Variants in TRPM4 observed in about 807,000 individuals in gnomAD.
The protein encoded by TRPM4 is transient receptor potential cation channel subfamily M member 4.
In TRPM4, 124 loss-of-function variants were observed where a neutral mutation model predicts 135.6. The ratio of observed to expected loss-of-function variants is 0.91; its 90% CI spans 0.79 to 1.06. The LOEUF is 1.06. TRPM4 is among the 50% of genes least tolerant of loss of function. TRPM4 has a pLI of 0.00. For synonymous variants in TRPM4, 745 were observed against 705.6 expected, an observed-to-expected ratio of 1.06 and a Z score of -0.88; for missense variants, 1,658 against 1,671.4, an observed-to-expected ratio of 0.99 and a Z score of 0.14.
At chr19:49,191,523 C>A (rs1417052178) in intron 16 of TRPM4, among the ~76,000 whole-genome samples, 1 of 150,646 alleles carries the variant, frequency 6.6e-6, no homozygotes, top group Non-Finnish European at 1.5e-5. Context: ...ACATTTCTTT[C>A]TTTCTTTTTT....
At chr19:49,191,186 A>G (rs906293542) in intron 16 of TRPM4, among the ~76,000 whole-genome samples, 4 of 152,076 alleles carry the variant, frequency 2.6e-5, no homozygotes, top group Non-Finnish European at 4.4e-5. Flanking sequence ...CTCCAACATT[A>G]GGGATTACAT....
chr19:49,201,685 C>G (rs565179196), intron 19 of TRPM4, among the ~76,000 whole-genome samples: 185 of 152,350 alleles, frequency 1.2e-3, no homozygotes, highest in African/African-American at 4.2e-3. Flanking sequence ...GCAACCTCCA[C>G]CTCCCAGATC....
At chr19:49,181,607 C>A in intron 10 of TRPM4, 146 bp downstream of exon 10, 1 of 626,252 alleles carries the variant, frequency 1.6e-6, no homozygotes, top group Non-Finnish European at 2.7e-6. Context: ...TCCCAGCTCA[C>A]TGCAAGCTCC....
Position 49,190,844 on chromosome 19 carries a change from G to A in TRPM4, c.2210+71G>A, listed in dbSNP as rs112944944. The A allele has an allele frequency of 4.7e-4, 645 of 1,358,036 alleles. 2 individuals carry two copies. Among genetic ancestry groups the A allele is most frequent in the Middle Eastern group, 3.6e-3 (18 of 5,010 alleles). The allele number at this position is 1,358,036 out of a possible 1,614,324, so 84.1% of individuals were successfully genotyped here. A position where few individuals can be genotyped will look rare whatever the true frequency, so the allele number is the denominator to read the frequency against. ...AGTTCAGGACATGTGCCAGTTCCAC[G>A]TTGTGTTAGTCCCCTCTTGAGTTGC... is the stretch of plus-strand genomic sequence containing the variant. On this transcript the variant is annotated intron_variant, in intron 16 of 24. Transcript: ENST00000252826.
intron 12 of TRPM4, among the ~76,000 whole-genome samples, chr19:49,187,773 A>G (rs968967430): frequency 2.6e-5 from 4 of 152,156 alleles, no homozygotes; most frequent in Non-Finnish European, 5.9e-5. Context: ...GAGCTTTTAA[A>G]GATAATTTGG....
Position 49,168,538 on chromosome 19 carries a change from C to A in TRPM4, c.613-15C>A, listed in dbSNP as rs777041419. 6.2e-7 allele frequency: 1 copy of A among 1,613,858 alleles called. No individual in the cohort carries two copies. The highest frequency in any genetic ancestry group is 1.1e-5 in the South Asian group (1 of 91,078). On this transcript the variant is annotated splice_polypyrimidine_tract_variant and intron_variant, in intron 5 of 24. Transcript: ENST00000252826. ...CCGATGAGGAGACGCCCTGGTCTGG[C>A]CATTTTTCCCCTAGGGCTCGTTCCC...
intron 20 of TRPM4, among the ~76,000 whole-genome samples, chr19:49,207,416 G>A (rs1405647025): frequency 5.3e-5 from 8 of 151,768 alleles, no homozygotes; most frequent in Non-Finnish European, 7.4e-5. Flanking sequence ...GATCACTTGA[G>A]GCCAGGAGTT....
intron 2 of TRPM4, chr19:49,159,216 G>C (rs1386254340): frequency 1.3e-5 from 2 of 152,020 alleles, no homozygotes; most frequent in East Asian, 3.9e-4. Flanking sequence ...TATTTTAGTA[G>C]AGACGGGGTT....
intron 2 of TRPM4, among the ~76,000 whole-genome samples, chr19:49,160,816 T>C (rs1288000308): frequency 6.8e-6 from 1 of 147,048 alleles, no homozygotes; most frequent in Non-Finnish European, 1.5e-5. Context: ...GCGGGAGGGG[T>C]AGTGGCCTGA....
At chr19:49,182,354 GTCCATCCATCCATCCA>G (rs71180605) in intron 10 of TRPM4, among the ~76,000 whole-genome samples, 5 of 79,734 alleles carry the variant, frequency 6.3e-5, no homozygotes, top group African/African-American at 1.3e-4. Context: ...CCATCCCTCT[GTCCATCCATCCATCCA>G]TCCATCCATC....
intron 1 of TRPM4, 57 bp downstream of exon 1, chr19:49,157,947 T>A: frequency 6.6e-7 from 1 of 1,520,596 alleles, no homozygotes; most frequent in Admixed American, 2.0e-5. Context: ...GCCTCCAGGC[T>A]CCCAGAGAGG....
At chr19:49,187,494 A>G (rs1171088395) in intron 12 of TRPM4, among the ~76,000 whole-genome samples, 1 of 151,516 alleles carries the variant, frequency 6.6e-6, no homozygotes, top group East Asian at 1.9e-4. Flanking sequence ...ACAGAAGCAG[A>G]CCACCACGCC....
At chr19:49,199,346 C>T (rs1475012726) in intron 17 of TRPM4, among the ~76,000 whole-genome samples, 1 of 152,178 alleles carries the variant, frequency 6.6e-6, no homozygotes, top group Non-Finnish European at 1.5e-5. Flanking sequence ...GCAACCTCCG[C>T]CTCCCGGGTT....
chr19:49,211,781 A>C lies in TRPM4; in HGVS notation c.*283A>C, dbSNP rs1600550210. 1 of 555,646 alleles carries C rather than the reference A, an allele frequency of 1.8e-6. No homozygotes were observed. The highest frequency in any genetic ancestry group is 3.2e-6 in the Non-Finnish European group (1 of 309,328). The allele number at this position is 555,646 out of a possible 1,614,324, so 34.4% of individuals were successfully genotyped here. ...GTCCTTGGGGTAACAGGGACCACAG[A>C]CCCCTCACCACTCACAGATTCCTCA... On this transcript the variant is annotated 3_prime_UTR_variant, in exon 25 of 25. Transcript: ENST00000252826. The surrounding 1 kb of genome is among the most constrained non-coding windows in gnomAD (Gnocchi z 4.8).
At chr19:49,200,990 T>G (rs1968909942) in intron 19 of TRPM4, among the ~76,000 whole-genome samples, 1 of 149,992 alleles carries the variant, frequency 6.7e-6, no homozygotes, top group South Asian at 2.2e-4. Flanking sequence ...TCTGTCTGTC[T>G]TTCTTTTTTC....
chr19:49,171,584 G>C lies in TRPM4; in HGVS notation c.865G>C (p.Glu289Gln). Residue 289 changes from glutamate to glutamine, a missense_variant, in exon 8 of 25, where the codon GAG (glutamate) becomes CAG (glutamine). Transcript: ENST00000252826. This position sits in a 1 kb window ranked among gnomAD's most constrained non-coding sequence, Gnocchi z 4.7. ...DGDEKMLTRI[E>Q]NATQAQLPCL... The stretch of plus-strand genomic sequence containing the variant: ...GAATGCCTTTATCCTGTAGCGAATA[G>C]AGAACGCCACCCAGGCTCAGCTCCC... 3 of 1,614,068 alleles carry C rather than the reference G, an allele frequency of 1.9e-6. No individual in the cohort carries two copies. Among genetic ancestry groups the C allele is most frequent in the Non-Finnish European group, 2.5e-6 (3 of 1,180,026 alleles).
Position 49,210,595 on chromosome 19 carries a change from C to G in TRPM4, c.3329-115C>G. 1.9e-6 allele frequency: 3 copies of G among 1,545,102 alleles called. No homozygotes were observed. Among genetic ancestry groups the G allele is most frequent in the Non-Finnish European group, 2.7e-6 (3 of 1,126,066 alleles). ...ACGGGTGAGGGGCGGGGCATGTTCT[C>G]GAATCACCAGGGGCTGGGTCTGGGA... On this transcript the variant is annotated intron_variant, in intron 21 of 24. Transcript: ENST00000252826. This position sits in a 1 kb window ranked among gnomAD's most constrained non-coding sequence, Gnocchi z 4.1.
At chr19:49,190,847 G>A in intron 16 of TRPM4, 74 bp downstream of exon 16, 7 of 1,333,430 alleles carry the variant, frequency 5.2e-6, no homozygotes, top group Non-Finnish European at 7.5e-6. Flanking sequence ...GTTCCACGTT[G>A]TGTTAGTCCC....
In TRPM4 at chr19:49,211,098, G is replaced by A. The variant is rs749878374; in HGVS notation, c.3534+11G>A. 1.2e-6 allele frequency: 2 copies of A among 1,613,890 alleles called. No individual in the cohort carries two copies. Among genetic ancestry groups the A allele is most frequent in the South Asian group, 1.1e-5 (1 of 90,990 alleles). ...GTGCTGGAGCGGGAGGTGAGGCCTT[G>A]GGGCCTGGCTGGGGGACTGTGGCAG... is the stretch of plus-strand genomic sequence containing the variant. On this transcript the variant is annotated intron_variant, in intron 23 of 24. Coordinates refer to ENST00000252826, the MANE Select transcript of TRPM4 (RefSeq NM_017636.4). This position sits in a 1 kb window ranked among gnomAD's most constrained non-coding sequence, Gnocchi z 4.8.
Sources: allele counts gnomAD v4.1 joint callset (sites outside exome capture counted in the v4.1 genomes callset), GRCh38; gene constraint gnomAD v4.1.1; non-coding constraint Gnocchi (gnomAD v3.1); transcripts MANE v1.5; gene names NCBI Gene and HGNC (gene_info 2026-07-23, HGNC 2026-07-21).